OCA2: variants seen among roughly 807,000 people sequenced by gnomAD.
The protein encoded by OCA2 is P protein.
OCA2 carries 77 observed loss-of-function variants against 100.2 expected under a neutral mutation model. The ratio of observed to expected loss-of-function variants is 0.77; its 90% confidence interval spans 0.64 to 0.93. The LOEUF is 0.93. Ranked by LOEUF, OCA2 falls within the 40% of genes least tolerant of loss-of-function variation. The pLI, the probability that OCA2 is intolerant of heterozygous loss-of-function variation, is 0.00. For synonymous variants in OCA2, 432 were observed against 439.2 expected (o/e 0.98, Z 0.21); for missense variants, 1,062 against 1,089.1 (o/e 0.98, Z 0.35).
chr15:27,791,568 G>T (rs1482797919), intron 23 of OCA2, among the ~76,000 whole-genome samples: 1 of 152,214 alleles, frequency 6.6e-6, no homozygotes, highest in Non-Finnish European at 1.5e-5. Context: ...GCGTGTCTTA[G>T]TTGTGCTGCT....
At chr15:27,893,262 T>C (rs190779128) in intron 19 of OCA2, among the ~76,000 whole-genome samples, 3 of 152,378 alleles carry the variant, frequency 2.0e-5, no homozygotes, top group African/African-American at 2.4e-5. Flanking sequence ...CTCTTAATCC[T>C]GTTATCTTCA....
At chr15:28,060,893 C>G (rs370494387) in intron 2 of OCA2, among the ~76,000 whole-genome samples, 2 of 152,154 alleles carry the variant, frequency 1.3e-5, no homozygotes, top group Non-Finnish European at 2.9e-5. Context: ...CCTTGACTAC[C>G]CCTCTCACAG....
At chr15:27,839,003 A>G (rs1282546439) in intron 23 of OCA2, among the ~76,000 whole-genome samples, 4 of 152,194 alleles carry the variant, frequency 2.6e-5, no homozygotes, top group African/African-American at 7.2e-5. Flanking sequence ...GGGGTGGAGG[A>G]AAAAATGAAT....
In OCA2 at chr15:27,986,579, A is replaced by G. The variant is rs746969624; in HGVS notation, c.1239+8T>C. 4.5e-6 allele frequency: 7 copies of G among 1,540,364 alleles called. No homozygotes were observed. Among genetic ancestry groups the G allele is most frequent in the Non-Finnish European group, 6.3e-6 (7 of 1,112,200 alleles). On this transcript the variant is annotated splice_region_variant and intron_variant, in intron 12 of 23. Transcript: ENST00000354638. ...GGATAGAATTATTAAATGCAACATCATACCTACCTTTACAGCACAATAATC... is the reference window on the plus strand; with the variant it reads ...GGATAGAATTATTAAATGCAACATCGTACCTACCTTTACAGCACAATAATC...
chr15:28,062,184 G>A (rs889939966), intron 2 of OCA2, among the ~76,000 whole-genome samples: 10 of 152,200 alleles, frequency 6.6e-5, no homozygotes, highest in Non-Finnish European at 1.2e-4. Context: ...TATTCCCACT[G>A]GCAATGCATG....
At chr15:27,918,651 T>C (rs1480531486) in intron 19 of OCA2, among the ~76,000 whole-genome samples, 1 of 152,190 alleles carries the variant, frequency 6.6e-6, no homozygotes, top group Non-Finnish European at 1.5e-5. Flanking sequence ...ATCCCTATAG[T>C]TTCCAGAACT....
intron 23 of OCA2, among the ~76,000 whole-genome samples, chr15:27,756,232 C>G (rs1418209472): frequency 1.3e-5 from 2 of 152,192 alleles, no homozygotes; most frequent in African/African-American, 4.8e-5. Flanking sequence ...ATTTTGGTTT[C>G]AAAAGGCTTA....
chr15:27,799,182 T>C (rs2033479932), intron 23 of OCA2, among the ~76,000 whole-genome samples: 2 of 152,340 alleles, frequency 1.3e-5, no homozygotes, highest in East Asian at 1.9e-4. Flanking sequence ...TTTGCAAAGA[T>C]GGACCAAGCT....
chr15:27,937,550 A>G (rs1375346806), intron 18 of OCA2, among the ~76,000 whole-genome samples: 2 of 152,220 alleles, frequency 1.3e-5, no homozygotes, highest in African/African-American at 4.8e-5. Context: ...ACTGCTCCAC[A>G]ATCTTTCAGC....
At chr15:28,040,324 T>C (rs1253072545) in intron 2 of OCA2, among the ~76,000 whole-genome samples, 2 of 152,120 alleles carry the variant, frequency 1.3e-5, no homozygotes, top group Admixed American at 6.5e-5. Context: ...AAATGAAACA[T>C]AACACATCAA....
intron 20 of OCA2, 67 bp from the exon 21 acceptor site, chr15:27,871,325 C>A: frequency 4.0e-6 from 5 of 1,254,132 alleles, no homozygotes; most frequent in Non-Finnish European, 5.8e-6. Context: ...CCACCAGCCG[C>A]GAGACTCAGA....
chr15:27,929,810 C>T (rs374653860), intron 18 of OCA2, among the ~76,000 whole-genome samples: 1 of 75,468 alleles, frequency 1.3e-5, no homozygotes, highest in African/African-American at 3.9e-5. Flanking sequence ...GTAAACAACA[C>T]AATTCAAATG....
At chr15:27,913,228 GT>G (rs954852394) in intron 19 of OCA2, among the ~76,000 whole-genome samples, 12 of 152,118 alleles carry the variant, frequency 7.9e-5, no homozygotes, top group African/African-American at 2.9e-4. Context: ...GGTTTCGATA[GT>G]TTTATCACGG....
At chr15:27,913,897 AAGC>A (rs1567098635) in intron 19 of OCA2, among the ~76,000 whole-genome samples, 948 of 35,446 alleles carry the variant, frequency 0.027, 20 homozygotes, top group Middle Eastern at 0.037. Flanking sequence ...GAAAGAAAGC[AAGC>A]AAGCAAGCAA....
downstream of OCA2, among the ~76,000 whole-genome samples, chr15:27,752,802 C>CA (rs2030112829): frequency 2.0e-4 from 1 of 5,068 alleles, no homozygotes; most frequent in Non-Finnish European, 5.1e-4. Context: ...GGTCCCCCAC[C>CA]CCCCCCCCCC....
At chr15:27,841,669 C>G (rs1406849030) in intron 23 of OCA2, among the ~76,000 whole-genome samples, 1 of 152,108 alleles carries the variant, frequency 6.6e-6, no homozygotes, top group Non-Finnish European at 1.5e-5. Flanking sequence ...TATATCAGAA[C>G]TGATTTCTGT....
intron 11 of OCA2, among the ~76,000 whole-genome samples, chr15:27,988,845 CACAGAGGATGGCGGCACGG>C (rs1365858268): frequency 2.0e-5 from 3 of 152,162 alleles, no homozygotes; most frequent in Non-Finnish European, 2.9e-5. Context: ...GCGCACCACC[CACAGAGGATGGCGGCACGG>C]TTTCCATCAG....
At chr15:27,761,527 C>A (rs1216406419) in intron 23 of OCA2, among the ~76,000 whole-genome samples, 3 of 151,220 alleles carry the variant, frequency 2.0e-5, no homozygotes, top group Admixed American at 1.3e-4. Flanking sequence ...TAATGGAAGA[C>A]TCAACATAGA....
intron 21 of OCA2, among the ~76,000 whole-genome samples, chr15:27,869,658 T>A (rs1305984847): frequency 6.6e-6 from 1 of 152,180 alleles, no homozygotes; most frequent in African/African-American, 2.4e-5. Flanking sequence ...GAGGTGGGGT[T>A]CAGCTGTGAG....
Sources: gnomAD v4.1 joint callset for allele counts (sites outside exome capture counted in the v4.1 genomes callset) on GRCh38, gnomAD v4.1.1 for gene constraint, MANE v1.5 for transcripts, NCBI Gene and HGNC (gene_info 2026-07-23, HGNC 2026-07-21) for gene names.